RBFOX1: variants seen among roughly 807,000 people sequenced by gnomAD.
RBFOX1 encodes RNA binding protein fox-1 homolog 1.
In RBFOX1, 8 loss-of-function variants were observed where a neutral mutation model predicts 57.7. That is an observed-to-expected ratio of 0.14 (90% CI 0.08 to 0.25). The LOEUF is 0.25. Among genes scored for constraint, RBFOX1 ranks in the 10% least tolerant of loss-of-function variants. RBFOX1 has a pLI of 1.00. For synonymous variants in RBFOX1, 326 were observed against 222.4 expected (o/e 1.47, Z -4.15); for missense variants, 611 against 548.5 (o/e 1.11, Z -1.14).
intron 1 of RBFOX1, among the ~76,000 whole-genome samples, chr16:5,454,725 C>G (rs958971313): frequency 5.8e-5 from 3 of 51,994 alleles, no homozygotes; most frequent in African/African-American, 1.5e-4. Flanking sequence ...TCCTTAAAAT[C>G]TCTCTCTTTC....
chr16:7,323,868 A>G (rs1352370138), intron 4 of RBFOX1, among the ~76,000 whole-genome samples: 1 of 152,240 alleles, frequency 6.6e-6, no homozygotes, highest in Non-Finnish European at 1.5e-5. Context: ...ATTCTCAAAA[A>G]GCAGATAATC....
chr16:6,428,035 C>A (rs2093978843), intron 2 of RBFOX1, among the ~76,000 whole-genome samples: 1 of 152,150 alleles, frequency 6.6e-6, no homozygotes, highest in African/African-American at 2.4e-5. Flanking sequence ...GTAATCCCAG[C>A]ACTTTGGGAG....
At position 5,386,017 on chromosome 16, in the gene RBFOX1, G is replaced by A. The variant is rs555965207; in HGVS notation, c.220-81199G>A. ...AAATGAATGCCTCTTTTAAGCTTCT[G>A]CCAACACTTCACGTTGCCTAGGGAA... On this transcript the variant is annotated intron_variant, in intron 1 of 2. Coordinates refer to the RBFOX1 transcript ENST00000585867. Among the ~76,000 whole-genome samples, 17 of 152,140 alleles carry A rather than the reference G, an allele frequency of 1.1e-4. No individual in the cohort carries two copies. In the South Asian group the frequency reaches 3.5e-3, roughly 32 times the overall value.
At chr16:6,943,571 G>A (rs1214848579) in intron 3 of RBFOX1, among the ~76,000 whole-genome samples, 2 of 152,024 alleles carry the variant, frequency 1.3e-5, no homozygotes, top group Non-Finnish European at 2.9e-5. Flanking sequence ...AGCCAGGCGC[G>A]GTGGCGGGTG....
intron 1 of RBFOX1, among the ~76,000 whole-genome samples, chr16:5,276,077 A>G (rs1298585059): frequency 6.6e-6 from 1 of 152,260 alleles, no homozygotes; most frequent in African/African-American, 2.4e-5. Context: ...GAAACCATAA[A>G]AATTCTTGAA....
chr16:7,499,240 A>T (rs926475133), intron 4 of RBFOX1, among the ~76,000 whole-genome samples: 1 of 152,124 alleles, frequency 6.6e-6, no homozygotes, highest in African/African-American at 2.4e-5. Flanking sequence ...TTTACTGACA[A>T]TCTTTGGCAT....
chr16:5,686,766 T>G (rs1418319897), intron 3 of RBFOX1, among the ~76,000 whole-genome samples: 1 of 152,176 alleles, frequency 6.6e-6, no homozygotes, highest in South Asian at 2.1e-4. Context: ...TGAAAGTATT[T>G]TTTCCAGTAG....
intron 3 of RBFOX1, among the ~76,000 whole-genome samples, chr16:5,722,742 T>A (rs1187223399): frequency 6.6e-6 from 1 of 152,216 alleles, no homozygotes; most frequent in Non-Finnish European, 1.5e-5. Context: ...ATTCTATGCT[T>A]GTAATATTCC....
intron 3 of RBFOX1, among the ~76,000 whole-genome samples, chr16:6,769,995 T>C (rs1654043751): frequency 6.6e-6 from 1 of 152,176 alleles, no homozygotes; most frequent in South Asian, 2.1e-4. Flanking sequence ...ATGAGATGGC[T>C]ATTTTTAAAG....
In RBFOX1 at chr16:6,791,805, C is replaced by T. The variant is rs898795244; in HGVS notation, c.-16+137155C>T. ...GTGCAGGACCCTTTGAGTGGCATCCCTGTGTGTACACAGTCATACCTCCAG... is the reference window on the plus strand; with the variant it reads ...GTGCAGGACCCTTTGAGTGGCATCCTTGTGTGTACACAGTCATACCTCCAG... On this transcript the variant is annotated intron_variant, in intron 3 of 15. Coordinates refer to ENST00000550418, the MANE Select transcript of RBFOX1 (RefSeq NM_018723.4). Among the ~76,000 whole-genome samples the T allele has an allele frequency of 2.6e-5, 4 of 152,244 alleles. No individual in the cohort carries two copies. The South Asian group carries it at 8.3e-4, about 32-fold the overall frequency.
chr16:7,344,639 G>A (rs60377834), intron 4 of RBFOX1, among the ~76,000 whole-genome samples: 4,930 of 151,928 alleles, frequency 0.032, 177 homozygotes, highest in African/African-American at 0.087. Context: ...CTCCATTGGG[G>A]ATTTTTTCCT....
chr16:6,590,834 A>C (rs2097700064), intron 2 of RBFOX1, among the ~76,000 whole-genome samples: 2 of 48,352 alleles, frequency 4.1e-5, no homozygotes, highest in African/African-American at 1.5e-4. Flanking sequence ...TCATATTGGC[A>C]AGTGCGTTTG....
rs1309859075 is a variant in RBFOX1, at chr16:5,956,672, A to ATTTTTTTTT, written c.351+89338_351+89339insTTTTTTTTT. Among the ~76,000 whole-genome samples the ATTTTTTTTT allele has an allele frequency of 1.8e-3, 142 of 78,348 alleles. 6 individuals carry two copies. The highest frequency in any genetic ancestry group is 0.012 in the East Asian group (35 of 2,934). The allele number at this position is 78,348 out of a possible 152,430, so 51.4% of individuals were successfully genotyped here. A position where few individuals can be genotyped will look rare whatever the true frequency, so the allele number is the denominator to read the frequency against. ...TATATATATATTTATATATATATAT[A>ATTTTTTTTT]TATATATTTTTTTTGAGGCACAGTC... On this transcript the variant is annotated intron_variant, in intron 4 of 19. Transcript: ENST00000641259.
chr16:5,499,634 G>A (rs2043119730), intron 2 of RBFOX1, among the ~76,000 whole-genome samples: 1 of 151,486 alleles, frequency 6.6e-6, no homozygotes, highest in African/African-American at 2.4e-5. Flanking sequence ...GTACCGTGGT[G>A]TGATCTCAGC....
chr16:5,964,034 A>C (rs2152291186), intron 4 of RBFOX1, among the ~76,000 whole-genome samples: 1 of 152,356 alleles, frequency 6.6e-6, no homozygotes. Flanking sequence ...TGTTTTATAT[A>C]AAAAGTAGTA....
intron 2 of RBFOX1, among the ~76,000 whole-genome samples, chr16:6,620,798 T>G (rs1025600886): frequency 1.3e-5 from 2 of 152,264 alleles, no homozygotes; most frequent in African/African-American, 4.8e-5. Context: ...CCAGACTGAT[T>G]TACAGGAAGA....
At chr16:7,479,420 G>T (rs192689863) in intron 4 of RBFOX1, among the ~76,000 whole-genome samples, 1 of 152,224 alleles carries the variant, frequency 6.6e-6, no homozygotes, top group African/African-American at 2.4e-5. Flanking sequence ...ATGAGCCGGG[G>T]TGCCTGGCCC....
intron 4 of RBFOX1, among the ~76,000 whole-genome samples, chr16:7,368,265 G>A (rs9930136): frequency 0.016 from 1,861 of 118,458 alleles, 33 homozygotes; most frequent in African/African-American, 0.049. Context: ...AGACTGTCTC[G>A]AAAAAAAAAA....
Position 6,292,958 on chromosome 16 carries a change from G to A in RBFOX1, c.-126-24037G>A, listed in dbSNP as rs577828144. 8.5e-5 allele frequency among the ~76,000 whole-genome samples: 13 copies of A among 152,236 alleles called. 1 individual carries two copies. In the South Asian group the frequency reaches 1.5e-3, roughly 17 times the overall value. ...CCTTAAGTACACACAGTGATATACC[G>A]TAGGCTAGGACATTGTTGTCCCCAG... On this transcript the variant is annotated intron_variant, in intron 1 of 15. Transcript: ENST00000550418.
Sources: gnomAD v4.1 joint callset for allele counts (sites outside exome capture counted in the v4.1 genomes callset) on GRCh38, gnomAD v4.1.1 for gene constraint, MANE v1.5 for transcripts, NCBI Gene and HGNC (gene_info 2026-07-23, HGNC 2026-07-21) for gene names.